ZNF570: variants seen among roughly 807,000 people sequenced by gnomAD.
The protein encoded by ZNF570 is zinc finger protein 570.
A neutral mutation model predicts 14.2 loss-of-function variants in ZNF570; 8 were observed. That is an observed-to-expected ratio of 0.56 (90% CI 0.33 to 1.02). The LOEUF (loss-of-function observed/expected upper bound fraction) is 1.02, where lower values mean the gene tolerates loss of function less well. ZNF570 is among the 50% of genes least tolerant of loss of function. The pLI is 0.03. For missense variants in ZNF570, 559 were observed against 624.9 expected (o/e 0.89, Z 1.12); for synonymous variants, 202 against 207.6 (o/e 0.97, Z 0.23).
intron 2 of ZNF570, among the ~76,000 whole-genome samples, chr19:37,472,655 T>A (rs2147004238): frequency 6.6e-6 from 1 of 150,432 alleles, no homozygotes; most frequent in South Asian, 2.1e-4. Context: ...GGCAGGAGAA[T>A]CGCTTGAACC....
In ZNF570 at chr19:37,488,010, A is replaced by T. The variant is rs1048268188; in HGVS notation, c.*2777A>T. ...GATGTGGAGCAATAGGAACACTCAT[A>T]CGGTGCTATAGGAAGTAGTTGTGTT... On this transcript the variant is annotated 3_prime_UTR_variant, in exon 5 of 5. Transcript: ENST00000330173. The T allele has an allele frequency of 6.6e-6, 1 of 152,242 alleles. No individual in the cohort carries two copies. Among genetic ancestry groups the T allele is most frequent in the Non-Finnish European group, 1.5e-5 (1 of 68,036 alleles). 9.4% of individuals were successfully genotyped at this position (152,242 alleles called of 1,614,324 possible).
At position 37,476,330 on chromosome 19, in the gene ZNF570, T is replaced by G; in HGVS notation, c.161-9T>G. Reference sequence around the variant, plus strand: ...GACAAAACTCTACTTTTTTTTTTCGTATTTGCAGGACTTTGCTTTTCCAAA... The same window carrying G: ...GACAAAACTCTACTTTTTTTTTTCGGATTTGCAGGACTTTGCTTTTCCAAA... On this transcript the variant is annotated splice_polypyrimidine_tract_variant and intron_variant, in intron 3 of 4. Transcript: ENST00000330173. 6.2e-7 allele frequency: 1 copy of G among 1,611,698 alleles called. No homozygotes were observed. Among genetic ancestry groups the G allele is most frequent in the Non-Finnish European group, 8.5e-7 (1 of 1,179,272 alleles).
At chr19:37,469,636 G>A (rs992340539) in intron 1 of ZNF570, 79 bp downstream of exon 1, 38 of 1,398,466 alleles carry the variant, frequency 2.7e-5, no homozygotes, top group Non-Finnish European at 3.6e-5. Context: ...GAAGTCAATG[G>A]CACCGTGGAA....
rs918778253 is a variant in ZNF570, at chr19:37,469,378, G to A, written c.-231G>A. 4.8e-6 allele frequency: 7 copies of A among 1,471,536 alleles called. No individual in the cohort carries two copies. Among genetic ancestry groups the A allele is most frequent in the Non-Finnish European group, 6.3e-6 (7 of 1,107,968 alleles). The allele number at this position is 1,471,536 out of a possible 1,614,324, so 91.2% of individuals were successfully genotyped here. On this transcript the variant is annotated 5_prime_UTR_variant, in exon 1 of 5. Transcript: ENST00000330173. The stretch of plus-strand genomic sequence containing the variant: ...GGCGCTTCTTTCCGGGCCCGTAAGG[G>A]CTGGGTTCCATCCAACTAAGGGTAG...
At chr19:37,470,161 A>G (rs749176989) in intron 1 of ZNF570, 143 bp from the exon 2 acceptor site, 4 of 661,162 alleles carry the variant, frequency 6.0e-6, no homozygotes, top group African/African-American at 1.8e-5. Flanking sequence ...ATTGTATGCA[A>G]ACAAATTCCT....
rs2041917176 is a variant in ZNF570, at chr19:37,469,496, G to C, written c.-113G>C. On this transcript the variant is annotated 5_prime_UTR_variant, in exon 1 of 5. Transcript: ENST00000330173. ...CTGCAGGTCGGGAGTGGGCTGAGGAGTGGCGTGTGGGTCTCCGGAAGCTCG... is the reference window on the plus strand; with the variant it reads ...CTGCAGGTCGGGAGTGGGCTGAGGACTGGCGTGTGGGTCTCCGGAAGCTCG... 6 of 1,536,398 alleles carry C rather than the reference G, an allele frequency of 3.9e-6. No homozygotes were observed. Among genetic ancestry groups the C allele is most frequent in the Non-Finnish European group, 8.7e-7 (1 of 1,146,924 alleles).
Position 37,485,401 on chromosome 19 carries a change from CT to C in ZNF570, c.*176del, listed in dbSNP as rs1046359071. ...TTTCCCACAATGCACTCAAACGGAT[CT>C]TTTTTTTCTTTTTTTTTCTTTTTGA... is the stretch of plus-strand genomic sequence containing the variant. On this transcript the variant is annotated 3_prime_UTR_variant, in exon 5 of 5. Transcript: ENST00000330173. 5 of 612,146 alleles carry C rather than the reference CT, an allele frequency of 8.2e-6. No homozygotes were observed. Among genetic ancestry groups the C allele is most frequent in the Admixed American group, 7.5e-5 (2 of 26,668 alleles). 37.9% of individuals were successfully genotyped at this position (612,146 alleles called of 1,614,324 possible). A position where few individuals can be genotyped will look rare whatever the true frequency, so the allele number is the denominator to read the frequency against.
chr19:37,477,011 TAA>T (rs775189801), intron 4 of ZNF570, among the ~76,000 whole-genome samples: 14 of 152,050 alleles, frequency 9.2e-5, no homozygotes, highest in Non-Finnish European at 1.8e-4. Context: ...TGGCCTCTTA[TAA>T]ATTTTTGAGC....
chr19:37,471,009 A>ATTTTTT (rs764609936), intron 2 of ZNF570, among the ~76,000 whole-genome samples: 38 of 84,380 alleles, frequency 4.5e-4, no homozygotes, highest in Admixed American at 1.2e-3. Flanking sequence ...CAGTGAGTAC[A>ATTTTTT]TTTTTTTTTT....
Position 37,483,957 on chromosome 19 carries a change from T to C in ZNF570, c.335T>C (p.Ile112Thr), listed in dbSNP as rs376492364. The change falls in exon 5 of 5, where the codon ATA (isoleucine) becomes ACA (threonine). Residue 112 changes from isoleucine to threonine, a missense_variant. Transcript: ENST00000330173. ...FYEEHQSQKI[I>T]ETLTSYNLEY... ...GAAGAACATCAATCCCAGAAGATAA[T>C]AGAAACACTTACAAGCTATAACCTT... 14 of 1,613,672 alleles carry C rather than the reference T, an allele frequency of 8.7e-6. No individual in the cohort carries two copies. The highest frequency in any genetic ancestry group is 1.3e-5 in the African/African-American group (1 of 74,902).
Position 37,484,362 on chromosome 19 carries a change from A to AATT in ZNF570, c.742_743insTAT (p.Lys247_Cys248insLeu). ...ATTCATACTGGAGAGAAACCCTATA[A>AATT]ATGTATAGAGTGTGGAAAAGCCTTC... is the stretch of plus-strand genomic sequence containing the variant. On this transcript the variant is annotated inframe_insertion, in exon 5 of 5. Transcript: ENST00000330173. The AATT allele has an allele frequency of 6.2e-7, 1 of 1,614,126 alleles. No homozygotes were observed.
rs908369544 is a variant in ZNF570 at position 37,487,857 on chromosome 19, T to C, written c.*2624T>C. ...TGGTTCATACCAGTAGAGAGAAAGA[T>C]TGGATTTGGGGGTATTACTAGTAGT... On this transcript the variant is annotated 3_prime_UTR_variant, in exon 5 of 5. Coordinates refer to ENST00000330173, the MANE Select transcript of ZNF570 (RefSeq NM_144694.5). The C allele has an allele frequency of 6.6e-6, 1 of 152,160 alleles. No homozygotes were observed. The highest frequency in any genetic ancestry group is 1.5e-5 in the Non-Finnish European group (1 of 68,038). 9.4% of individuals were successfully genotyped at this position (152,160 alleles called of 1,614,324 possible). A position where few individuals can be genotyped will look rare whatever the true frequency, so the allele number is the denominator to read the frequency against.
chr19:37,472,079 G>T (rs546088449), intron 2 of ZNF570, among the ~76,000 whole-genome samples: 1 of 152,014 alleles, frequency 6.6e-6, no homozygotes, highest in East Asian at 1.9e-4. Flanking sequence ...GCTAATTTTT[G>T]TATTTTTAGT....
chr19:37,475,768 A>G (rs1285199001), intron 2 of ZNF570, 113 bp from the exon 3 acceptor site: 1 of 1,060,482 alleles, frequency 9.4e-7, no homozygotes, highest in East Asian at 2.6e-5. Context: ...CAAATATGAT[A>G]ACATGGTTAC....
At chr19:37,476,563 G>A (rs2042026623) in intron 4 of ZNF570, 129 bp downstream of exon 4, 5 of 1,322,410 alleles carry the variant, frequency 3.8e-6, no homozygotes, top group Non-Finnish European at 4.9e-6. Flanking sequence ...AAAATTTGGG[G>A]CCATTTAGGA....
intron 4 of ZNF570, among the ~76,000 whole-genome samples, chr19:37,481,962 G>C (rs1304505984): frequency 6.6e-6 from 1 of 152,112 alleles, no homozygotes; most frequent in Non-Finnish European, 1.5e-5. Context: ...AGGAAGATTT[G>C]TCATTATAAC....
At chr19:37,473,870 T>C (rs923586182) in intron 2 of ZNF570, among the ~76,000 whole-genome samples, 9 of 152,194 alleles carry the variant, frequency 5.9e-5, no homozygotes, top group African/African-American at 1.9e-4. Flanking sequence ...AATTAGTAGA[T>C]ATATATCACA....
chr19:37,485,277 C>A lies in ZNF570; in HGVS notation c.*44C>A. 1 of 1,487,978 alleles carries A rather than the reference C, an allele frequency of 6.7e-7. No individual in the cohort carries two copies. Among genetic ancestry groups the A allele is most frequent in the Admixed American group, 2.5e-5 (1 of 40,464 alleles). The allele number at this position is 1,487,978 out of a possible 1,614,324, so 92.2% of individuals were successfully genotyped here. A position where few individuals can be genotyped will look rare whatever the true frequency, so the allele number is the denominator to read the frequency against. On this transcript the variant is annotated 3_prime_UTR_variant, in exon 5 of 5. Transcript: ENST00000330173. ...TTCTAGAATTTATACTGTTTTTTAT[C>A]TTTAATGTTGTCACCTTGGTCTGAT...
At chr19:37,469,334 C>G, upstream of ZNF570, 2 of 1,417,602 alleles carry the variant, frequency 1.4e-6, no homozygotes, top group Non-Finnish European at 1.8e-6. Context: ...TTGTGTCCTC[C>G]GGGGGCGGAG....
Sources: gnomAD v4.1 joint callset for allele counts (sites outside exome capture counted in the v4.1 genomes callset) on GRCh38, gnomAD v4.1.1 for gene constraint, MANE v1.5 for transcripts, NCBI Gene and HGNC (gene_info 2026-07-23, HGNC 2026-07-21) for gene names.